CAB39L: variants seen among roughly 807,000 people sequenced by gnomAD.
CAB39L encodes the protein calcium-binding protein 39-like.
In CAB39L, 23 loss-of-function variants were observed where a neutral mutation model predicts 39.1. The observed-to-expected ratio is 0.59, with a 90% CI of 0.42 to 0.83. The LOEUF (loss-of-function observed/expected upper bound fraction) is 0.83, where lower values mean the gene tolerates loss of function less well. CAB39L is among the 40% of genes least tolerant of loss of function. CAB39L has a pLI of 0.00. For synonymous variants in CAB39L, 126 were observed against 137.2 expected (o/e 0.92, Z 0.57); for missense variants, 366 against 391.9 (o/e 0.93, Z 0.56).
At chr13:49,390,492 T>C (rs1011162678) in intron 3 of CAB39L, among the ~76,000 whole-genome samples, 6 of 152,120 alleles carry the variant, frequency 3.9e-5, no homozygotes, top group Non-Finnish European at 8.8e-5. Context: ...CGCTAATAAA[T>C]ATAAATCACG....
intron 5 of CAB39L, among the ~76,000 whole-genome samples, chr13:49,364,087 A>T (rs1057333749): frequency 6.6e-6 from 1 of 152,194 alleles, no homozygotes; most frequent in Non-Finnish European, 1.5e-5. Context: ...AAGTCATTAT[A>T]TAATAATAAA....
At chr13:49,431,505 C>T (rs1957324101) in intron 3 of CAB39L, among the ~76,000 whole-genome samples, 1 of 151,840 alleles carries the variant, frequency 6.6e-6, no homozygotes, top group African/African-American at 2.4e-5. Context: ...TCAGGAGTTC[C>T]AGACCAGCCT....
At chr13:49,318,072 G>A (rs1045506228) in intron 10 of CAB39L, among the ~76,000 whole-genome samples, 16 of 151,974 alleles carry the variant, frequency 1.1e-4, no homozygotes, top group Non-Finnish European at 1.8e-4. Flanking sequence ...ATACCACTTC[G>A]CACCCACTAG....
chr13:49,349,886 T>C (rs1955292952), intron 7 of CAB39L, among the ~76,000 whole-genome samples: 1 of 152,194 alleles, frequency 6.6e-6, no homozygotes, highest in African/African-American at 2.4e-5. Context: ...TTTTCTAAAA[T>C]AGAAATCTCG....
intron 7 of CAB39L, 88 bp downstream of exon 7, chr13:49,350,655 TA>T: frequency 2.1e-6 from 2 of 970,450 alleles, no homozygotes; most frequent in Non-Finnish European, 3.0e-6. Context: ...GCCTAAGAAG[TA>T]AAATTTCTTG....
At chr13:49,437,382 C>G (rs867194227) in intron 1 of CAB39L, among the ~76,000 whole-genome samples, 2 of 152,178 alleles carry the variant, frequency 1.3e-5, no homozygotes, top group Non-Finnish European at 2.9e-5. Context: ...CACCAAGCCT[C>G]CAGGTAGATG....
chr13:49,377,872 G>C (rs1394035729), intron 4 of CAB39L, among the ~76,000 whole-genome samples: 3 of 82,294 alleles, frequency 3.6e-5, no homozygotes, highest in South Asian at 4.1e-4. Context: ...AGTGAGGAGC[G>C]TCTCCGCCCG....
intron 5 of CAB39L, among the ~76,000 whole-genome samples, chr13:49,367,709 G>A (rs1955808130): frequency 1.3e-5 from 2 of 152,116 alleles, no homozygotes; most frequent in African/African-American, 4.8e-5. Context: ...TTGAACCCAG[G>A]AGTTTGAGAC....
At chr13:49,322,287 T>C (rs939868726) in intron 10 of CAB39L, among the ~76,000 whole-genome samples, 2 of 152,192 alleles carry the variant, frequency 1.3e-5, no homozygotes, top group African/African-American at 4.8e-5. Context: ...CGTAGCACAA[T>C]GTTTTTAAGG....
chr13:49,344,058 C>G (rs765260952), intron 8 of CAB39L, 121 bp downstream of exon 8: 4 of 686,188 alleles, frequency 5.8e-6, no homozygotes, highest in Non-Finnish European at 7.8e-6. Context: ...GTAGACAAAT[C>G]AGGAGTATGG....
chr13:49,331,220 C>T (rs1277516747), intron 10 of CAB39L, among the ~76,000 whole-genome samples: 1 of 152,086 alleles, frequency 6.6e-6, no homozygotes, highest in South Asian at 2.1e-4. Context: ...AATCCCAGCT[C>T]TTTGGGAGGC....
At chr13:49,384,000 T>C (rs562387405) in intron 3 of CAB39L, among the ~76,000 whole-genome samples, 2 of 152,302 alleles carry the variant, frequency 1.3e-5, no homozygotes, top group East Asian at 1.9e-4. Flanking sequence ...TGTGGCGATT[T>C]CTTAAAAGAA....
At chr13:49,329,593 ATAT>A (rs1954627581) in intron 10 of CAB39L, among the ~76,000 whole-genome samples, 11 of 124,848 alleles carry the variant, frequency 8.8e-5, no homozygotes, top group African/African-American at 3.2e-4. Context: ...ATATATATAT[ATAT>A]AATGATGTAA....
intron 3 of CAB39L, among the ~76,000 whole-genome samples, chr13:49,425,488 T>C (rs570849338): frequency 6.6e-6 from 1 of 152,258 alleles, no homozygotes; most frequent in African/African-American, 2.4e-5. Flanking sequence ...GCCAAGGGAA[T>C]AATTTCCAAG....
intron 5 of CAB39L, among the ~76,000 whole-genome samples, chr13:49,365,654 G>A (rs1302528635): frequency 6.6e-6 from 1 of 152,182 alleles, no homozygotes; most frequent in African/African-American, 2.4e-5. Context: ...AACTATTGCT[G>A]GTGAGGATGT....
At chr13:49,346,639 C>T (rs138324437) in intron 7 of CAB39L, among the ~76,000 whole-genome samples, 1 of 152,112 alleles carries the variant, frequency 6.6e-6, no homozygotes. Flanking sequence ...GAGGAGCCAG[C>T]GACAGCTGCC....
intron 1 of CAB39L, among the ~76,000 whole-genome samples, chr13:49,437,155 A>G (rs1272132276): frequency 6.6e-6 from 1 of 152,178 alleles, no homozygotes; most frequent in East Asian, 1.9e-4. Context: ...GTTCATCTTG[A>G]AATATTTTAT....
At chr13:49,429,753 TTC>T (rs1957292443) in intron 3 of CAB39L, among the ~76,000 whole-genome samples, 1 of 152,336 alleles carries the variant, frequency 6.6e-6, no homozygotes, top group Non-Finnish European at 1.5e-5. Flanking sequence ...AAATAAAATG[TTC>T]TCTTATAGTT....
Position 49,422,729 on chromosome 13 carries a change from C to T in CAB39L, c.-32+10589G>A, listed in dbSNP as rs542958796. ...TCCTGAATAGCTGGGACTATAAATG[C>T]ACCCGGCTTCCCTTACTTTTTTATT... On this transcript the variant is annotated intron_variant, in intron 3 of 10. Transcript: ENST00000409308. Among the ~76,000 whole-genome samples the T allele has an allele frequency of 4.0e-5, 6 of 151,866 alleles. No homozygotes were observed. In the South Asian group the frequency reaches 6.2e-4, roughly 16 times the overall value.
Sources: allele counts gnomAD v4.1 joint callset (sites outside exome capture counted in the v4.1 genomes callset), GRCh38; gene constraint gnomAD v4.1.1; transcripts MANE v1.5; gene names NCBI Gene and HGNC (gene_info 2026-07-23, HGNC 2026-07-21).